Variants in COL26A1 observed in about 807,000 individuals in gnomAD.
COL26A1 encodes collagen alpha-1(XXVI) chain.
A neutral mutation model predicts 59.3 loss-of-function variants in COL26A1; 41 were observed. The ratio of observed to expected loss-of-function variants is 0.69; its 90% CI spans 0.54 to 0.90. The LOEUF (loss-of-function observed/expected upper bound fraction) is 0.90, where lower values mean the gene tolerates loss of function less well. Among genes scored for constraint, COL26A1 ranks in the 40% least tolerant of loss-of-function variants. The pLI, the probability that COL26A1 is intolerant of heterozygous loss-of-function variation, is 0.00. For missense variants in COL26A1, 612 were observed against 602.3 expected (o/e 1.02, Z -0.17); for synonymous variants, 266 against 256.0 (o/e 1.04, Z -0.37).
At chr7:101,408,794 A>G (rs1285527413) in intron 1 of COL26A1, among the ~76,000 whole-genome samples, 4 of 152,102 alleles carry the variant, frequency 2.6e-5, no homozygotes, top group African/African-American at 9.7e-5. Context: ...GGCTGTGCAG[A>G]TCTAGCTTGG....
At chr7:101,374,195 G>A (rs1791256747) in intron 1 of COL26A1, among the ~76,000 whole-genome samples, 1 of 152,086 alleles carries the variant, frequency 6.6e-6, no homozygotes, top group African/African-American at 2.4e-5. Context: ...CAGAAACCAG[G>A]GTCTAGAGCT....
chr7:101,468,310 A>T (rs549516726), intron 3 of COL26A1, among the ~76,000 whole-genome samples: 10 of 152,144 alleles, frequency 6.6e-5, no homozygotes, highest in South Asian at 2.1e-4. Flanking sequence ...TCAAAAAAAA[A>T]AAAATAAAAG....
intron 10 of COL26A1, 177 bp from the exon 11 acceptor site, chr7:101,553,149 G>T: frequency 3.6e-6 from 2 of 555,456 alleles, no homozygotes; most frequent in Admixed American, 3.3e-5. Flanking sequence ...CCCCGGAGCC[G>T]TGGCCTCCCC....
intron 2 of COL26A1, among the ~76,000 whole-genome samples, chr7:101,434,051 TCCCTCCCTCCC>T: frequency 5.1e-5 from 1 of 19,498 alleles, no homozygotes; most frequent in African/African-American, 2.0e-4. Context: ...CTTCCCTCCC[TCCCTCCCTCCC>T]TCCCTCCCTC....
chr7:101,512,213 G>C (rs1277803732), intron 3 of COL26A1, among the ~76,000 whole-genome samples: 1 of 152,108 alleles, frequency 6.6e-6, no homozygotes, highest in Non-Finnish European at 1.5e-5. Context: ...TGCTGAGTTA[G>C]GGCTATGACT....
chr7:101,404,922 A>G (rs1231936951), intron 1 of COL26A1, among the ~76,000 whole-genome samples: 1 of 151,778 alleles, frequency 6.6e-6, no homozygotes, highest in African/African-American at 2.4e-5. Context: ...AAATAAACAA[A>G]TAAATAATTG....
intron 1 of COL26A1, chr7:101,389,007 T>G (rs1179338241): frequency 3.3e-6 from 1 of 304,608 alleles, no homozygotes; most frequent in Non-Finnish European, 6.3e-6. Context: ...CTTCCCCTTC[T>G]TGGGCTTTTT....
At chr7:101,438,310 G>T (rs1460588646) in intron 2 of COL26A1, among the ~76,000 whole-genome samples, 4 of 151,530 alleles carry the variant, frequency 2.6e-5, no homozygotes, top group Non-Finnish European at 5.9e-5. Context: ...GCAGTGAGCC[G>T]AGATTGTGCC....
At chr7:101,363,992 C>T (rs1042545957) in intron 1 of COL26A1, among the ~76,000 whole-genome samples, 3 of 152,178 alleles carry the variant, frequency 2.0e-5, no homozygotes, top group Non-Finnish European at 4.4e-5. Flanking sequence ...ACTCCCCAGC[C>T]ACCCCGGGAC....
At position 101,388,332 on chromosome 7, in the gene COL26A1, G is replaced by C. The variant is rs185184245; in HGVS notation, c.158+25142G>C. ...CACTAAAAATACAAAAAATTAGCTG[G>C]GTGTGCTGGTGGAAGCCTGTAATTC... On this transcript the variant is annotated intron_variant, in intron 1 of 12. Coordinates refer to ENST00000313669, the MANE Select transcript of COL26A1 (RefSeq NM_001278563.3). 8.9e-4 allele frequency among the ~76,000 whole-genome samples: 135 copies of C among 151,640 alleles called. 1 individual carries two copies. The highest frequency in any genetic ancestry group is 2.8e-3 in the African/African-American group (118 of 41,474).
intron 8 of COL26A1, 40 bp downstream of exon 8, chr7:101,547,279 C>T (rs1735772104): frequency 1.4e-6 from 2 of 1,425,958 alleles, no homozygotes; most frequent in Admixed American, 2.0e-5. Flanking sequence ...AGGACTCCAT[C>T]CCCCCAGGGC....
At chr7:101,449,050 G>A (rs1418190045) in intron 3 of COL26A1, among the ~76,000 whole-genome samples, 2 of 152,226 alleles carry the variant, frequency 1.3e-5, no homozygotes, top group East Asian at 1.9e-4. Context: ...CAGGGAGTCC[G>A]ACAGGTGCCT....
intron 3 of COL26A1, among the ~76,000 whole-genome samples, chr7:101,485,367 C>T (rs2130504306): frequency 6.6e-6 from 1 of 152,272 alleles, no homozygotes; most frequent in Non-Finnish European, 1.5e-5. Flanking sequence ...ACACATGCAT[C>T]TTTGGAGACA....
At chr7:101,539,768 A>ACG (rs1451665223) in intron 4 of COL26A1, 125 bp from the exon 5 acceptor site, 1 of 961,280 alleles carries the variant, frequency 1.0e-6, no homozygotes, top group East Asian at 3.0e-5. Context: ...AAGGAGCGTG[A>ACG]CGGGGCACAC....
intron 1 of COL26A1, among the ~76,000 whole-genome samples, chr7:101,370,020 G>A (rs1299549278): frequency 1.3e-5 from 2 of 151,918 alleles, no homozygotes; most frequent in African/African-American, 4.8e-5. Context: ...GTGCCATCAT[G>A]CCTGGCTAAT....
chr7:101,402,858 C>T (rs1288415303), intron 1 of COL26A1, among the ~76,000 whole-genome samples: 2 of 147,684 alleles, frequency 1.4e-5, no homozygotes, highest in African/African-American at 5.0e-5. Context: ...TTTCCTCTTC[C>T]TTTCTTTGAC....
At chr7:101,383,140 G>A (rs191849415) in intron 1 of COL26A1, among the ~76,000 whole-genome samples, 1 of 147,456 alleles carries the variant, frequency 6.8e-6, no homozygotes, top group East Asian at 2.0e-4. Context: ...TTTAGACTTA[G>A]GCATTTTATC....
At chr7:101,529,704 G>A (rs924619846) in intron 3 of COL26A1, among the ~76,000 whole-genome samples, 14 of 152,092 alleles carry the variant, frequency 9.2e-5, no homozygotes, top group African/African-American at 3.1e-4. Flanking sequence ...GAGTTTGTTC[G>A]CTCAGAATGA....
At chr7:101,535,401 C>T (rs908972320) in intron 4 of COL26A1, among the ~76,000 whole-genome samples, 6 of 152,194 alleles carry the variant, frequency 3.9e-5, no homozygotes, top group Admixed American at 2.0e-4. Flanking sequence ...GAGCAGCAGC[C>T]CTGGCCTCAG....
Sources: gnomAD v4.1 joint callset for allele counts (sites outside exome capture counted in the v4.1 genomes callset) on GRCh38, gnomAD v4.1.1 for gene constraint, MANE v1.5 for transcripts, NCBI Gene and HGNC (gene_info 2026-07-23, HGNC 2026-07-21) for gene names.